Variants in KIR3DL3 observed in about 807,000 individuals in gnomAD.
The protein encoded by KIR3DL3 is killer cell immunoglobulin-like receptor 3DL3.
In KIR3DL3, 27 loss-of-function variants were observed where a neutral mutation model predicts 34.9. That is an observed-to-expected ratio of 0.77 (90% CI 0.57 to 1.07). The LOEUF (loss-of-function observed/expected upper bound fraction) is 1.07, where lower values mean the gene tolerates loss of function less well. KIR3DL3 is among the 50% of genes least tolerant of loss of function. The probability of loss-of-function intolerance (pLI) is 0.00; values close to 1 mark genes in which losing one functional copy is unlikely to be tolerated. For synonymous variants in KIR3DL3, 217 were observed against 200.2 expected (o/e 1.08, Z -0.71); for missense variants, 681 against 528.5 (o/e 1.29, Z -2.83).
intron 3 of KIR3DL3, among the ~76,000 whole-genome samples, chr19:54,726,895 T>G (rs1307575148): frequency 1.6e-5 from 2 of 127,356 alleles, no homozygotes; most frequent in African/African-American, 5.7e-5. Context: ...ATTTCTGTTC[T>G]CCAGAAGTGG....
chr19:54,730,662 T>C (rs2068698335), intron 5 of KIR3DL3, among the ~76,000 whole-genome samples: 2 of 152,158 alleles, frequency 1.3e-5, no homozygotes, highest in South Asian at 2.1e-4. Context: ...TTCTACTCTC[T>C]ACCTTTGTGA....
intron 5 of KIR3DL3, among the ~76,000 whole-genome samples, chr19:54,732,217 C>G (rs2068877523): frequency 6.6e-6 from 1 of 150,922 alleles, no homozygotes; most frequent in African/African-American, 2.4e-5. Context: ...ATCTGTGCAC[C>G]AAATCTGGGG....
chr19:54,725,505 G>C (rs113609287), intron 2 of KIR3DL3, among the ~76,000 whole-genome samples: 447 of 152,272 alleles, frequency 2.9e-3, no homozygotes, highest in Non-Finnish European at 5.2e-3. Flanking sequence ...TGGGGACCCA[G>C]GGGGAGACTG....
rs1411409774 is a variant in KIR3DL3, at chr19:54,725,722, T to C, written c.71-331T>C. On this transcript the variant is annotated intron_variant, in intron 2 of 7. Transcript: ENST00000291860. ...ACAGTCATGACCCTGACATTCCAGA[T>C]CTTCTAATAGGGGCTCAGTTGTTTA... Among the ~76,000 whole-genome samples, 3 of 152,156 alleles carry C rather than the reference T, an allele frequency of 2.0e-5. No homozygotes were observed. The South Asian group carries it at 6.2e-4, about 32-fold the overall frequency.
At chr19:54,727,365 C>T (rs1286548406) in intron 3 of KIR3DL3, among the ~76,000 whole-genome samples, 1 of 131,692 alleles carries the variant, frequency 7.6e-6, no homozygotes, top group African/African-American at 2.8e-5. Context: ...ACAGATACAA[C>T]AGCCTAAGAG....
At chr19:54,725,952 A>G in intron 2 of KIR3DL3, 101 bp from the exon 3 acceptor site, 1 of 1,155,554 alleles carries the variant, frequency 8.7e-7, no homozygotes, top group Non-Finnish European at 1.3e-6. Flanking sequence ...CAGGTGTGGT[A>G]GGAGCCTTAG....
chr19:54,734,892 C>A (rs1222573688), intron 5 of KIR3DL3, among the ~76,000 whole-genome samples: 4 of 139,718 alleles, frequency 2.9e-5, no homozygotes, highest in Non-Finnish European at 1.6e-5. Flanking sequence ...AACCAGTTCT[C>A]CAGGAACTAA....
intron 5 of KIR3DL3, 100 bp downstream of exon 5, chr19:54,729,886 C>T (rs1413727611): frequency 4.4e-6 from 5 of 1,140,514 alleles, no homozygotes; most frequent in South Asian, 1.5e-5. Flanking sequence ...GATGCCGAGA[C>T]AGAACACACA....
rs2068573350 is a variant in KIR3DL3 at position 54,729,532 on chromosome 19, C to G, written c.695C>G (p.Pro232Arg). 6 of 1,606,430 alleles carry G rather than the reference C, an allele frequency of 3.7e-6. No homozygotes were observed. Among genetic ancestry groups the G allele is most frequent in the Non-Finnish European group, 4.2e-6 (5 of 1,178,328 alleles). ...GKPSLSAQPGPTVQAGENVTL... is the reference protein window; with the variant it reads ...GKPSLSAQPGRTVQAGENVTL... ...CCTTCTCTCTCAGCCCAGCCGGGCC[C>G]CACGGTTCAGGCAGGAGAGAATGTG... The change falls in exon 5 of 8, where the codon CCC (proline) becomes CGC (arginine). Residue 232 changes from proline to arginine, a missense_variant. Pro to Arg is a moderately radical substitution (Grantham distance 103). Transcript: ENST00000291860.
intron 2 of KIR3DL3, 66 bp downstream of exon 2, chr19:54,725,348 G>A (rs2068056302): frequency 1.6e-6 from 2 of 1,224,794 alleles, no homozygotes; most frequent in Non-Finnish European, 2.3e-6. Context: ...TGAAACGGGA[G>A]GCAGGCGACA....
At chr19:54,728,770 G>A (rs2068472664) in intron 4 of KIR3DL3, among the ~76,000 whole-genome samples, 2 of 149,892 alleles carry the variant, frequency 1.3e-5, no homozygotes, top group Non-Finnish European at 3.0e-5. Context: ...ATGGATTGCA[G>A]AGACTCCAAA....
intron 5 of KIR3DL3, among the ~76,000 whole-genome samples, chr19:54,730,823 A>G (rs1208325968): frequency 6.6e-6 from 1 of 152,120 alleles, no homozygotes; most frequent in Non-Finnish European, 1.5e-5. Context: ...CTCTCCATCC[A>G]TTCACCCACT....
intron 5 of KIR3DL3, among the ~76,000 whole-genome samples, chr19:54,730,034 AGAG>A (rs2068639314): frequency 6.6e-6 from 1 of 151,474 alleles, no homozygotes; most frequent in Non-Finnish European, 1.5e-5. Flanking sequence ...GAACAGACCC[AGAG>A]GAGGGAGACT....
chr19:54,736,191 A>G lies in KIR3DL3; in HGVS notation c.*95A>G. ...TGATGGGATCTTCTAGGGAGACAAT[A>G]GCCCTGTCTCAAAACCGGGTTGCCA... is the stretch of plus-strand genomic sequence containing the variant. On this transcript the variant is annotated 3_prime_UTR_variant, in exon 8 of 8. Transcript: ENST00000291860. The G allele has an allele frequency of 6.5e-7, 1 of 1,549,888 alleles. No individual in the cohort carries two copies. Among genetic ancestry groups the G allele is most frequent in the Non-Finnish European group, 8.9e-7 (1 of 1,129,310 alleles).
Position 54,735,356 on chromosome 19 carries a change from G to T in KIR3DL3, c.1053G>T (p.Lys351Asn). 1 of 1,300,962 alleles carries T rather than the reference G, an allele frequency of 7.7e-7. No homozygotes were observed. Among genetic ancestry groups the T allele is most frequent in the Non-Finnish European group, 1.1e-6 (1 of 899,260 alleles). 80.6% of individuals were successfully genotyped at this position (1,300,962 alleles called of 1,614,324 possible). Residue 351 changes from lysine (K) to asparagine (N), a missense_variant and splice_region_variant, in exon 6 of 8, where the codon AAG becomes AAT. Coordinates refer to ENST00000291860, the MANE Select transcript of KIR3DL3 (RefSeq NM_153443.5). ...FLLHRWCANK[K>N]NAVVMDQEPA... is the part of the protein sequence containing the mutation. The stretch of plus-strand genomic sequence containing the variant: ...TTCATCGCTGGTGTGCCAACAAAAA[G>T]AGTAAGTCTCACGAAGCAGAAGCCA...
intron 5 of KIR3DL3, among the ~76,000 whole-genome samples, chr19:54,731,606 C>G (rs1179030242): frequency 1.3e-5 from 2 of 152,034 alleles, no homozygotes; most frequent in Non-Finnish European, 2.9e-5. Flanking sequence ...TGCTGTAACT[C>G]AGAAGTATGA....
chr19:54,734,270 G>A (rs1206063020), intron 5 of KIR3DL3, among the ~76,000 whole-genome samples: 1 of 151,522 alleles, frequency 6.6e-6, no homozygotes, highest in Non-Finnish European at 1.5e-5. Flanking sequence ...CTCCTGGAAT[G>A]CACCTGGGCC....
intron 4 of KIR3DL3, among the ~76,000 whole-genome samples, chr19:54,728,319 T>C (rs1255136935): frequency 6.7e-6 from 1 of 148,234 alleles, no homozygotes; most frequent in Non-Finnish European, 1.5e-5. Flanking sequence ...AGTTGGGCCA[T>C]GTGGCCCCAG....
intron 5 of KIR3DL3, among the ~76,000 whole-genome samples, chr19:54,731,073 C>T (rs1600201870): frequency 6.6e-6 from 1 of 151,874 alleles, no homozygotes; most frequent in East Asian, 1.9e-4. Context: ...GTGGCGCCAT[C>T]TGGGCTCACT....
Sources: gnomAD v4.1 joint callset for allele counts (sites outside exome capture counted in the v4.1 genomes callset) on GRCh38, gnomAD v4.1.1 for gene constraint, MANE v1.5 for transcripts, NCBI Gene and HGNC (gene_info 2026-07-23, HGNC 2026-07-21) for gene names.